Variants in CNGA1 observed in about 807,000 individuals in gnomAD.
The protein encoded by CNGA1 is cyclic nucleotide gated channel subunit alpha 1, also known as cyclic nucleotide-gated channel alpha-1.
A neutral mutation model predicts 69.7 loss-of-function variants in CNGA1; 53 were observed. The ratio of observed to expected loss-of-function variants is 0.76; its 90% confidence interval spans 0.61 to 0.96. The LOEUF is 0.96. CNGA1 is among the 40% of genes least tolerant of loss of function. CNGA1 has a pLI of 0.00. For synonymous variants in CNGA1, 249 were observed against 283.5 expected, an observed-to-expected ratio of 0.88 and a Z score of 1.22; for missense variants, 739 against 811.2, an observed-to-expected ratio of 0.91 and a Z score of 1.08.
chr4:47,992,829 G>C lies in CNGA1; in HGVS notation c.-122-11329C>G, dbSNP rs910767195. Among the ~76,000 whole-genome samples, 8 of 152,054 alleles carry C rather than the reference G, an allele frequency of 5.3e-5. 1 individual carries two copies. Among genetic ancestry groups the C allele is most frequent in the Admixed American group, 1.3e-4 (2 of 15,240 alleles). On this transcript the variant is annotated intron_variant, in intron 2 of 10. Transcript: ENST00000514170. The stretch of plus-strand genomic sequence containing the variant: ...TCAGTATTATGTTGGCTGTGGGTTT[G>C]TCATAGATGGCTTTTATTACATTGA...
At chr4:47,965,629 G>A (rs1006908060) in intron 3 of CNGA1, among the ~76,000 whole-genome samples, 1 of 152,020 alleles carries the variant, frequency 6.6e-6, no homozygotes, top group African/African-American at 2.4e-5. Context: ...GTTTCACCAT[G>A]TTGGCCAGGC....
intron 10 of CNGA1, among the ~76,000 whole-genome samples, chr4:47,940,020 T>A (rs1243714466): frequency 2.0e-5 from 3 of 152,194 alleles, no homozygotes. Context: ...CTTAGACACT[T>A]GGGATCTTCC....
At chr4:47,944,049 G>A (rs915396847) in intron 6 of CNGA1, among the ~76,000 whole-genome samples, 2 of 152,180 alleles carry the variant, frequency 1.3e-5, no homozygotes, top group African/African-American at 4.8e-5. Context: ...ACAGACCTAG[G>A]GTTATAGCAG....
chr4:47,957,785 C>CAGAT (rs1467048035), intron 3 of CNGA1, among the ~76,000 whole-genome samples: 9 of 152,140 alleles, frequency 5.9e-5, no homozygotes, highest in African/African-American at 2.2e-4. Flanking sequence ...CTGAACTGAC[C>CAGAT]AGATACAAAC....
At chr4:47,973,658 T>C (rs899553101) in intron 3 of CNGA1, among the ~76,000 whole-genome samples, 1 of 152,056 alleles carries the variant, frequency 6.6e-6, no homozygotes, top group Admixed American at 6.5e-5. Context: ...AAACTTTTTG[T>C]GAAGAAGGTA....
chr4:48,005,944 G>C (rs573683850), intron 2 of CNGA1, among the ~76,000 whole-genome samples: 9 of 152,342 alleles, frequency 5.9e-5, no homozygotes, highest in Admixed American at 5.9e-4. Context: ...ATCAGGTACA[G>C]AGAAAGAAAT....
At chr4:47,942,010 CACAA>C in intron 9 of CNGA1, 27 bp downstream of exon 9, 1 of 1,152,522 alleles carries the variant, frequency 8.7e-7, no homozygotes, top group Non-Finnish European at 1.2e-6. Flanking sequence ...GGGTGAGATC[CACAA>C]AAAAAAAAAA....
chr4:47,986,418 C>T (rs1276232472), intron 2 of CNGA1, among the ~76,000 whole-genome samples: 1 of 151,096 alleles, frequency 6.6e-6, no homozygotes, highest in African/African-American at 2.4e-5. Context: ...AAAAAAGACA[C>T]AAAGCCATTT....
At chr4:47,988,782 T>C (rs1165891074) in intron 2 of CNGA1, among the ~76,000 whole-genome samples, 1 of 152,154 alleles carries the variant, frequency 6.6e-6, no homozygotes, top group African/African-American at 2.4e-5. Flanking sequence ...TGTACATTTA[T>C]TTAGTACCTA....
At chr4:47,940,287 C>T (rs1738997769) in intron 10 of CNGA1, among the ~76,000 whole-genome samples, 1 of 152,192 alleles carries the variant, frequency 6.6e-6, no homozygotes, top group African/African-American at 2.4e-5. Flanking sequence ...ACCTACTTAA[C>T]AGAAATACTT....
In CNGA1 at chr4:47,937,361, A is replaced by G. The variant is rs765792753; in HGVS notation, c.1121T>C (p.Val374Ala). The G allele has an allele frequency of 2.5e-5, 41 of 1,614,022 alleles. No individual in the cohort carries two copies. In the Middle Eastern group the frequency reaches 6.6e-4, roughly 26 times the overall value. ...CACTCCAATTAGGAAATCAACCACCACAAAGACATACTCAGAATCCCTCAC... is the reference window on the plus strand; with the variant it reads ...CACTCCAATTAGGAAATCAACCACCGCAAAGACATACTCAGAATCCCTCAC... Reference protein sequence around the residue: ...PPVRDSEYVFVVVDFLIGVLI... With the variant: ...PPVRDSEYVFAVVDFLIGVLI... Residue 374 changes from valine to alanine, a missense_variant, in exon 11 of 11, where the codon GTG becomes GCG. Coordinates refer to ENST00000514170, the MANE Select transcript of CNGA1 (RefSeq NM_001379270.1).
At chr4:47,942,012 CAAAAAA>C (rs10709670) in intron 9 of CNGA1, 23 bp downstream of exon 9, 3 of 1,165,676 alleles carry the variant, frequency 2.6e-6, no homozygotes, top group African/African-American at 1.8e-5. Context: ...GTGAGATCCA[CAAAAAA>C]AAAAAAAAAA....
intron 2 of CNGA1, among the ~76,000 whole-genome samples, chr4:47,997,784 C>A (rs889582608): frequency 2.0e-5 from 3 of 152,258 alleles, no homozygotes; most frequent in Middle Eastern, 3.4e-3. Flanking sequence ...GACAGCTTCA[C>A]AAATAAATCA....
Position 47,962,960 on chromosome 4 carries a change from GA to G in CNGA1, c.-14-10258del, listed in dbSNP as rs372860122. ...TTGATATGTTTAAAACATAATAGCT[GA>G]ATTTTTTTTTTTTTGACACAGGGTC... is the stretch of plus-strand genomic sequence containing the variant. On this transcript the variant is annotated intron_variant, in intron 3 of 10. Coordinates refer to ENST00000514170, the MANE Select transcript of CNGA1 (RefSeq NM_001379270.1). Among the ~76,000 whole-genome samples the G allele has an allele frequency of 9.8e-3, 1,455 of 147,752 alleles. 20 individuals are homozygous for G. The highest frequency in any genetic ancestry group is 0.036 in the African/African-American group (1,372 of 38,596).
chr4:48,004,339 T>C (rs1331400941), intron 2 of CNGA1, among the ~76,000 whole-genome samples: 2 of 152,154 alleles, frequency 1.3e-5, no homozygotes, highest in African/African-American at 4.8e-5. Flanking sequence ...CGCGTCTTTG[T>C]GGTAGTGGTC....
chr4:47,981,603 C>T (rs1463654711), intron 2 of CNGA1, 103 bp from the exon 3 acceptor site: 3 of 152,064 alleles, frequency 2.0e-5, no homozygotes, highest in African/African-American at 4.8e-5. Flanking sequence ...AACAGTTCGT[C>T]GCATTGTCAA....
chr4:47,950,501 C>A (rs1739675292), intron 5 of CNGA1, among the ~76,000 whole-genome samples: 1 of 152,088 alleles, frequency 6.6e-6, no homozygotes, highest in African/African-American at 2.4e-5. Context: ...AAATGCATAT[C>A]AGTCAATGTT....
At chr4:48,003,472 G>A (rs1049615068) in intron 2 of CNGA1, among the ~76,000 whole-genome samples, 1 of 152,134 alleles carries the variant, frequency 6.6e-6, no homozygotes, top group Non-Finnish European at 1.5e-5. Flanking sequence ...TCTGTGGGCA[G>A]CAAGTCACCC....
chr4:48,015,687 C>G (rs1444541038), intron 1 of CNGA1, among the ~76,000 whole-genome samples: 3 of 152,058 alleles, frequency 2.0e-5, no homozygotes, highest in Admixed American at 1.3e-4. Context: ...ACTGTAGCCT[C>G]CACCTCCTGG....
Sources: gnomAD v4.1 joint callset for allele counts (sites outside exome capture counted in the v4.1 genomes callset) on GRCh38, gnomAD v4.1.1 for gene constraint, MANE v1.5 for transcripts, NCBI Gene and HGNC (gene_info 2026-07-23, HGNC 2026-07-21) for gene names.